Variants in RAB11B observed in about 807,000 individuals in gnomAD.
The protein encoded by RAB11B is RAB11B, member RAS oncogene family, also known as ras-related protein Rab-11B.
In RAB11B, 7 loss-of-function variants were observed where a neutral mutation model predicts 23.7. The ratio of observed to expected loss-of-function variants is 0.29; its 90% CI spans 0.17 to 0.55. The LOEUF (loss-of-function observed/expected upper bound fraction) is 0.55. Among genes scored for constraint, RAB11B ranks in the 20% least tolerant of loss-of-function variants. The pLI, the probability that RAB11B is intolerant of heterozygous loss-of-function variation, is 0.93. For synonymous variants in RAB11B, 138 were observed against 132.0 expected (o/e 1.05, Z -0.31); for missense variants, 189 against 320.0 (o/e 0.59, Z 3.12).
At chr19:8,400,238 GC>G in intron 2 of RAB11B, 180 bp downstream of exon 2, 1 of 772,776 alleles carries the variant, frequency 1.3e-6, no homozygotes, top group Non-Finnish European at 2.0e-6. Flanking sequence ...GCTGACCAGC[GC>G]CCAGCCTTCG....
chr19:8,398,207 G>C (rs2145510233), intron 1 of RAB11B, among the ~76,000 whole-genome samples: 1 of 152,318 alleles, frequency 6.6e-6, no homozygotes, highest in African/African-American at 2.4e-5. Context: ...CTCAGGGAAA[G>C]TGTTCCTGAT....
At position 8,390,413 on chromosome 19, in the gene RAB11B, G is replaced by A. The variant is rs747095173; in HGVS notation, c.-4G>A. Reference sequence around the variant, plus strand: ...TCGCCGATCCCGCCGGAAGCGCCAGGACAATGGGGACCCGGGACGACGAGT... The same window carrying A: ...TCGCCGATCCCGCCGGAAGCGCCAGAACAATGGGGACCCGGGACGACGAGT... On this transcript the variant is annotated 5_prime_UTR_variant, in exon 1 of 5. Transcript: ENST00000328024. 3.3e-6 allele frequency: 5 copies of A among 1,532,160 alleles called. No homozygotes were observed. The highest frequency in any genetic ancestry group is 1.2e-5 in the South Asian group (1 of 82,328). The allele number at this position is 1,532,160 out of a possible 1,614,324, so 94.9% of individuals were successfully genotyped here. A position where few individuals can be genotyped will look rare whatever the true frequency, so the allele number is the denominator to read the frequency against.
At chr19:8,401,518 C>T (rs1018024419) in intron 2 of RAB11B, among the ~76,000 whole-genome samples, 3 of 151,680 alleles carry the variant, frequency 2.0e-5, no homozygotes, top group African/African-American at 7.3e-5. Flanking sequence ...TCCCGAGTAG[C>T]TGGGATTACA....
At chr19:8,401,511 C>G (rs999130719) in intron 2 of RAB11B, among the ~76,000 whole-genome samples, 8 of 151,674 alleles carry the variant, frequency 5.3e-5, no homozygotes, top group African/African-American at 1.9e-4. Context: ...CTTAGCCTCC[C>G]GAGTAGCTGG....
Position 8,390,459 on chromosome 19 carries a change from GC to G in RAB11B, c.40+4del, listed in dbSNP as rs1971338351. ...CGAGTACGACTACCTATTCAAAGGT[GC>G]GGCCGGTGGGGCACAGACGGGCGAA... On this transcript the variant is annotated splice_donor_region_variant and intron_variant, in intron 1 of 4. Transcript: ENST00000328024. 2 of 1,506,368 alleles carry G rather than the reference GC, an allele frequency of 1.3e-6. No homozygotes were observed. Among genetic ancestry groups the G allele is most frequent in the African/African-American group, 2.9e-5 (2 of 68,522 alleles). The allele number at this position is 1,506,368 out of a possible 1,614,324, so 93.3% of individuals were successfully genotyped here. A position where few individuals can be genotyped will look rare whatever the true frequency, so the allele number is the denominator to read the frequency against.
At chr19:8,394,780 A>G (rs1450182694) in intron 1 of RAB11B, among the ~76,000 whole-genome samples, 2 of 152,160 alleles carry the variant, frequency 1.3e-5, no homozygotes, top group South Asian at 4.1e-4. Context: ...AAATACAAAA[A>G]TTATCTGGGC....
chr19:8,400,812 C>G (rs965170806), intron 2 of RAB11B, among the ~76,000 whole-genome samples: 2 of 152,124 alleles, frequency 1.3e-5, no homozygotes, highest in Admixed American at 6.5e-5. Flanking sequence ...TCTCAAACTC[C>G]CGCCCTCAGG....
At chr19:8,395,112 T>C (rs1023525080) in intron 1 of RAB11B, among the ~76,000 whole-genome samples, 1 of 152,126 alleles carries the variant, frequency 6.6e-6, no homozygotes, top group African/African-American at 2.4e-5. Flanking sequence ...CTCCCGTAGC[T>C]GCCGTGGAAA....
At position 8,404,120 on chromosome 19, in the gene RAB11B, C is replaced by CCCTCT. The variant is rs925537723; in HGVS notation, c.*565_*569dup. The CCCTCT allele has an allele frequency of 2.0e-5, 3 of 152,646 alleles. No homozygotes were observed. Among genetic ancestry groups the CCCTCT allele is most frequent in the Admixed American group, 1.3e-4 (2 of 15,272 alleles). 9.5% of individuals were successfully genotyped at this position (152,646 alleles called of 1,614,324 possible). A position where few individuals can be genotyped will look rare whatever the true frequency, so the allele number is the denominator to read the frequency against. ...AGGGAGAAGCCCGTCCCCCCCTCTC[C>CCCTCT]CCTCTCCCCTCCCCTCTCCTGCACG... On this transcript the variant is annotated 3_prime_UTR_variant, in exon 5 of 5. Coordinates refer to ENST00000328024, the MANE Select transcript of RAB11B (RefSeq NM_004218.4).
At chr19:8,402,648 C>T (rs561294851) in intron 4 of RAB11B, 83 bp downstream of exon 4, 87 of 673,194 alleles carry the variant, frequency 1.3e-4, no homozygotes, top group Middle Eastern at 1.0e-3. Flanking sequence ...TTGTTTTGTT[C>T]GTTTGCTTGT....
intron 4 of RAB11B, 65 bp from the exon 5 acceptor site, chr19:8,403,348 G>A: frequency 6.4e-7 from 1 of 1,563,036 alleles, no homozygotes; most frequent in South Asian, 1.2e-5. Context: ...CTGCAGGGAG[G>A]GGTTCCCCTC....
rs555662737 is a variant in RAB11B, at chr19:8,404,029, C to T, written c.*471C>T. 71 of 159,420 alleles carry T rather than the reference C, an allele frequency of 4.5e-4. 2 individuals are homozygous for T. The highest frequency in any genetic ancestry group is 1.4e-4 in the Non-Finnish European group (10 of 72,648). The allele number at this position is 159,420 out of a possible 1,614,324, so 9.9% of individuals were successfully genotyped here. A position where few individuals can be genotyped will look rare whatever the true frequency, so the allele number is the denominator to read the frequency against. ...GCAGGCGGACCCCCCGGGCTCTCAG[C>T]GCCCACCCGCTCCTCCGCACACAGC... On this transcript the variant is annotated 3_prime_UTR_variant, in exon 5 of 5. Transcript: ENST00000328024.
In RAB11B at chr19:8,402,285, C is replaced by T. The variant is rs375449925; in HGVS notation, c.430+6C>T. ...CGAGGCCCGCGCCTTCGCAGGTGAG[C>T]AGACGGAGACGCAGGCATCAGAGAG... On this transcript the variant is annotated splice_donor_region_variant and intron_variant, in intron 3 of 4. Coordinates refer to ENST00000328024, the MANE Select transcript of RAB11B (RefSeq NM_004218.4). 126 of 1,549,872 alleles carry T rather than the reference C, an allele frequency of 8.1e-5. No individual in the cohort carries two copies. The African/African-American group carries it at 1.5e-3, about 19-fold the overall frequency.
intron 3 of RAB11B, 95 bp downstream of exon 3, chr19:8,402,374 C>T: frequency 1.3e-6 from 2 of 1,539,602 alleles, no homozygotes; most frequent in Non-Finnish European, 1.8e-6. Flanking sequence ...GGCTTCCCTT[C>T]CCTGAGGAGT....
At chr19:8,390,634 G>A (rs1324756284) in intron 1 of RAB11B, 178 bp downstream of exon 1, 2 of 608,708 alleles carry the variant, frequency 3.3e-6, no homozygotes, top group Non-Finnish European at 4.9e-6. Context: ...GCTAGGATGC[G>A]CGGCTATACG....
intron 1 of RAB11B, among the ~76,000 whole-genome samples, chr19:8,397,917 C>G (rs568671528): frequency 6.6e-6 from 1 of 152,280 alleles, no homozygotes; most frequent in East Asian, 1.9e-4. Context: ...CAGGGATGAC[C>G]AAGCCACTGA....
intron 2 of RAB11B, among the ~76,000 whole-genome samples, chr19:8,400,587 CT>C: frequency 2.0e-5 from 1 of 51,136 alleles, no homozygotes; most frequent in South Asian, 1.0e-3. Context: ...GTCACCTCCT[CT>C]TGTTTTTTTT....
chr19:8,400,957 T>C (rs917447335), intron 2 of RAB11B, among the ~76,000 whole-genome samples: 2 of 152,058 alleles, frequency 1.3e-5, no homozygotes, highest in African/African-American at 2.4e-5. Flanking sequence ...AGTGCCACAA[T>C]TGCAGCTCAC....
At position 8,396,711 on chromosome 19, in the gene RAB11B, G is replaced by GC. The variant is rs1422251054; in HGVS notation, c.41-3152_41-3151insC. Among the ~76,000 whole-genome samples the GC allele has an allele frequency of 1.5e-5, 2 of 132,974 alleles. No homozygotes were observed. Among genetic ancestry groups the GC allele is most frequent in the African/African-American group, 5.2e-5 (2 of 38,202 alleles). 87.2% of individuals were successfully genotyped at this position (132,974 alleles called of 152,430 possible). A position where few individuals can be genotyped will look rare whatever the true frequency, so the allele number is the denominator to read the frequency against. On this transcript the variant is annotated intron_variant, in intron 1 of 4. Coordinates refer to ENST00000328024, the MANE Select transcript of RAB11B (RefSeq NM_004218.4). The surrounding 1 kb of genome is among the most constrained non-coding windows in gnomAD (Gnocchi z 5.0). Reference sequence around the variant, plus strand: ...TGTGTGGCTGGAGCAGAGTGAGCCGGGGGGGGGGCGGGAGGGAGGAGGGGA... The same window carrying GC: ...TGTGTGGCTGGAGCAGAGTGAGCCGGCGGGGGGGGCGGGAGGGAGGAGGGGA...
Sources: allele counts gnomAD v4.1 joint callset (sites outside exome capture counted in the v4.1 genomes callset), GRCh38; gene constraint gnomAD v4.1.1; non-coding constraint Gnocchi (gnomAD v3.1); transcripts MANE v1.5; gene names NCBI Gene and HGNC (gene_info 2026-07-23, HGNC 2026-07-21).